Variants in MBNL2 observed in about 807,000 individuals in gnomAD.
The protein encoded by MBNL2 is muscleblind-like protein 2.
A neutral mutation model predicts 41.9 loss-of-function variants in MBNL2; 17 were observed. That is an observed-to-expected ratio of 0.41 (90% CI 0.28 to 0.61). MBNL2 has a LOEUF of 0.61. MBNL2 is among the 20% of genes least tolerant of loss of function. The pLI, the probability that MBNL2 is intolerant of heterozygous loss-of-function variation, is 0.35. For synonymous variants in MBNL2, 195 were observed against 182.9 expected, an observed-to-expected ratio of 1.07 and a Z score of -0.53; for missense variants, 336 against 505.6, an observed-to-expected ratio of 0.66 and a Z score of 3.22.
intron 2 of MBNL2, among the ~76,000 whole-genome samples, chr13:97,323,995 A>G (rs1336699308): frequency 6.6e-6 from 1 of 152,198 alleles, no homozygotes; most frequent in Non-Finnish European, 1.5e-5. Flanking sequence ...TCACCCTATT[A>G]TGCTGTCAAA....
At chr13:97,212,909 G>A in the MBNL2 span, among the ~76,000 whole-genome samples, 1 of 152,136 alleles carries the variant, frequency 6.6e-6, no homozygotes, top group African/African-American at 2.4e-5. Flanking sequence ...CTTTGGAAGG[G>A]TAGTTATGCC....
intron 1 of MBNL2, among the ~76,000 whole-genome samples, chr13:97,265,522 C>T (rs1192005977): frequency 6.6e-6 from 1 of 152,204 alleles, no homozygotes; most frequent in African/African-American, 2.4e-5. Context: ...GTCCAACTCA[C>T]ATGCTAGGCA....
intron 2 of MBNL2, among the ~76,000 whole-genome samples, chr13:97,289,125 TAAAA>T (rs1052681881): frequency 5.3e-5 from 8 of 152,292 alleles, no homozygotes; most frequent in Admixed American, 2.0e-4. Context: ...TTCTTATTCT[TAAAA>T]AATACATAAT....
At chr13:97,162,413 A>C in the MBNL2 span, among the ~76,000 whole-genome samples, 11 of 152,208 alleles carry the variant, frequency 7.2e-5, no homozygotes. Flanking sequence ...GTTGGGGCTT[A>C]TATACTTGGA....
chr13:97,373,434 T>C (rs894753274), intron 8 of MBNL2, among the ~76,000 whole-genome samples: 1 of 151,218 alleles, frequency 6.6e-6, no homozygotes, highest in Non-Finnish European at 1.5e-5. Flanking sequence ...AGTGGAAGGA[T>C]TGAGATTGAA....
chr13:97,344,058 G>A (rs1345249435), intron 4 of MBNL2, among the ~76,000 whole-genome samples: 2 of 152,140 alleles, frequency 1.3e-5, no homozygotes, highest in African/African-American at 2.4e-5. Context: ...CGCCAGCCTC[G>A]GCCTCCCAAA....
intron 2 of MBNL2, among the ~76,000 whole-genome samples, chr13:97,318,616 T>C (rs2059248608): frequency 6.6e-6 from 1 of 152,226 alleles, no homozygotes; most frequent in African/African-American, 2.4e-5. Context: ...GACTTCATAA[T>C]AATGCATCAA....
intron 2 of MBNL2, among the ~76,000 whole-genome samples, chr13:97,277,375 C>G (rs2052377223): frequency 6.6e-6 from 1 of 152,120 alleles, no homozygotes; most frequent in African/African-American, 2.4e-5. Flanking sequence ...TACATCTCTG[C>G]AAGACTTCAG....
chr13:97,218,430 C>CAAAAAAAAA (rs746110575), upstream of MBNL2, among the ~76,000 whole-genome samples: 4 of 69,042 alleles, frequency 5.8e-5, no homozygotes, highest in Non-Finnish European at 1.1e-4. Context: ...AAAAACAAAA[C>CAAAAAAAAA]AAAACAAAAC....
At chr13:97,159,045 G>A in the MBNL2 span, among the ~76,000 whole-genome samples, 1 of 151,452 alleles carries the variant, frequency 6.6e-6, no homozygotes, top group African/African-American at 2.4e-5. Context: ...CTCTTTGTAG[G>A]TCACTCAGGA....
At chr13:97,229,167 A>G (rs552550131) in intron 1 of MBNL2, among the ~76,000 whole-genome samples, 1 of 149,426 alleles carries the variant, frequency 6.7e-6, no homozygotes, top group East Asian at 1.9e-4. Context: ...AATTAATCAA[A>G]CTTAAAGTAT....
chr13:97,180,426 T>A, the MBNL2 span, among the ~76,000 whole-genome samples: 2 of 152,032 alleles, frequency 1.3e-5, no homozygotes, highest in African/African-American at 4.8e-5. Context: ...TTATAAAAAA[T>A]TTACCATTTT....
chr13:97,346,874 A>G lies in MBNL2; in HGVS notation c.611A>G (p.Asp204Gly). The change falls in exon 5 of 9, where the codon GAC becomes GGC. Residue 204 changes from aspartate to glycine, a missense_variant. Transcript: ENST00000679496. The surrounding 1 kb of genome is among the most constrained non-coding windows in gnomAD (Gnocchi z 4.2). ...GACTGCCGCTTTGCACACCCCGCAG[A>G]CAGCACCATGATCGACACAAGTGAC... Reference protein sequence around the residue: ...ETDCRFAHPADSTMIDTSDNT... With the variant: ...ETDCRFAHPAGSTMIDTSDNT... 1 of 1,614,002 alleles carries G rather than the reference A, an allele frequency of 6.2e-7. No individual in the cohort carries two copies. The highest frequency in any genetic ancestry group is 8.5e-7 in the Non-Finnish European group (1 of 1,179,878).
intron 2 of MBNL2, among the ~76,000 whole-genome samples, chr13:97,305,390 A>G (rs2058032532): frequency 6.6e-6 from 1 of 152,202 alleles, no homozygotes; most frequent in African/African-American, 2.4e-5. Flanking sequence ...ATCAGAAAAC[A>G]TATCTATCCC....
At chr13:97,220,299 A>G (rs1041970052), upstream of MBNL2, among the ~76,000 whole-genome samples, 7 of 152,238 alleles carry the variant, frequency 4.6e-5, no homozygotes, top group African/African-American at 1.7e-4. Context: ...CAAGCTAACT[A>G]CAGAAGACTA....
At chr13:97,147,425 A>G in the MBNL2 span, among the ~76,000 whole-genome samples, 1 of 152,186 alleles carries the variant, frequency 6.6e-6, no homozygotes, top group African/African-American at 2.4e-5. Flanking sequence ...AGTGTAAAGC[A>G]ATAGTCCACC....
At chr13:97,383,031 A>G (rs1368675700) in intron 8 of MBNL2, among the ~76,000 whole-genome samples, 2 of 152,200 alleles carry the variant, frequency 1.3e-5, no homozygotes, top group Admixed American at 6.5e-5. Context: ...AAGGGCCAGG[A>G]AAGAAAAGTC....
At chr13:97,314,402 C>T (rs2058860211) in intron 2 of MBNL2, among the ~76,000 whole-genome samples, 1 of 152,208 alleles carries the variant, frequency 6.6e-6, no homozygotes, top group African/African-American at 2.4e-5. Context: ...TCACCATCAT[C>T]ATATTCACTA....
the MBNL2 span, among the ~76,000 whole-genome samples, chr13:97,166,825 T>A: frequency 3.6e-5 from 5 of 137,682 alleles, no homozygotes; most frequent in African/African-American, 1.1e-4. Flanking sequence ...GATAGATAGA[T>A]AGATAGATAG....
Sources: allele counts gnomAD v4.1 joint callset (sites outside exome capture counted in the v4.1 genomes callset), GRCh38; gene constraint gnomAD v4.1.1; non-coding constraint Gnocchi (gnomAD v3.1); transcripts MANE v1.5; gene names NCBI Gene and HGNC (gene_info 2026-07-23, HGNC 2026-07-21).